The following PCDH11X variants were observed in gnomAD, a reference collection of about 807,000 sequenced individuals.
PCDH11X encodes protocadherin 11 X-linked, also known as protocadherin-11 X-linked.
PCDH11X carries 18 observed loss-of-function variants against 53.3 expected under a neutral mutation model. The ratio of observed to expected loss-of-function variants is 0.34; its 90% CI spans 0.23 to 0.50. PCDH11X has a LOEUF of 0.50. Among genes scored for constraint, PCDH11X ranks in the 20% least tolerant of loss-of-function variants. The pLI, the probability that PCDH11X is intolerant of heterozygous loss-of-function variation, is 0.98. For synonymous variants in PCDH11X, 279 were observed against 393.3 expected, an observed-to-expected ratio of 0.71 and a Z score of 3.44; for missense variants, 570 against 1,032.4, an observed-to-expected ratio of 0.55 and a Z score of 6.14.
intron 8 of PCDH11X, among the ~76,000 whole-genome samples, chrX:92,296,535 A>G (rs1358307754): frequency 9.0e-6 from 1 of 111,243 alleles, no homozygotes; most frequent in Non-Finnish European, 1.9e-5. Context: ...TGCTTAGGAC[A>G]ATGGCGTCCA....
intron 10 of PCDH11X, among the ~76,000 whole-genome samples, chrX:92,531,733 C>G (rs1415254335): frequency 1.8e-5 from 2 of 109,051 alleles, no homozygotes; most frequent in Non-Finnish European, 3.8e-5. Context: ...TTAGTGAGAG[C>G]CTTATATTGT....
At chrX:92,347,872 A>G (rs1203446653) in intron 8 of PCDH11X, among the ~76,000 whole-genome samples, 1 of 112,119 alleles carries the variant, frequency 8.9e-6, no homozygotes, top group Non-Finnish European at 1.9e-5. Context: ...TCCAAGTAGC[A>G]TAATTTTGCA....
chrX:92,061,617 C>T (rs1233857368), intron 6 of PCDH11X, among the ~76,000 whole-genome samples: 2 of 109,131 alleles, frequency 1.8e-5, no homozygotes, highest in African/African-American at 6.8e-5. Flanking sequence ...AGGTGTGTTG[C>T]GTTATTTGGG....
chrX:92,255,635 C>T (rs1226700292), intron 7 of PCDH11X, among the ~76,000 whole-genome samples: 1 of 109,773 alleles, frequency 9.1e-6, no homozygotes, highest in Non-Finnish European at 1.9e-5. Flanking sequence ...GATGTCCTTT[C>T]TGTTTGTTAG....
chrX:92,460,418 G>A (rs1237260448), intron 9 of PCDH11X: 7 of 848,778 alleles, frequency 8.2e-6, no homozygotes, highest in Middle Eastern at 3.8e-4. Flanking sequence ...GCAGACATCC[G>A]GGCCCAATAT....
At chrX:92,269,195 C>G (rs1355322941) in intron 8 of PCDH11X, among the ~76,000 whole-genome samples, 1 of 111,617 alleles carries the variant, frequency 9.0e-6, no homozygotes, top group African/African-American at 3.3e-5. Context: ...AAATTCCTTC[C>G]CGGTTATATT....
intron 6 of PCDH11X, among the ~76,000 whole-genome samples, chrX:92,186,496 C>T (rs2066097887): frequency 9.0e-6 from 1 of 110,547 alleles, no homozygotes; most frequent in African/African-American, 3.3e-5. Flanking sequence ...GGCGTGGTGG[C>T]ATGCACCTGT....
chrX:91,807,300 G>A (rs5984123), intron 1 of PCDH11X, among the ~76,000 whole-genome samples: 24,180 of 109,808 alleles, frequency 0.22, 2,075 homozygotes, highest in East Asian at 0.31. Flanking sequence ...AGCTATGATC[G>A]TGCCACTGCA....
At chrX:92,300,563 C>T (rs1394966783) in intron 8 of PCDH11X, among the ~76,000 whole-genome samples, 1 of 111,162 alleles carries the variant, frequency 9.0e-6, no homozygotes, top group African/African-American at 3.3e-5. Flanking sequence ...CTGCAACCTC[C>T]GCCTCCTGGA....
At chrX:92,478,471 T>C (rs35728113) in intron 10 of PCDH11X, among the ~76,000 whole-genome samples, 1 of 111,092 alleles carries the variant, frequency 9.0e-6, no homozygotes, top group African/African-American at 3.3e-5. Context: ...GGTGGTTCAA[T>C]TGAGATTTTT....
chrX:92,543,795 TATC>T (rs2074798610), intron 10 of PCDH11X, among the ~76,000 whole-genome samples: 1 of 110,246 alleles, frequency 9.1e-6, no homozygotes, highest in Non-Finnish European at 1.9e-5. Flanking sequence ...AAAAAAGTTT[TATC>T]ATAATATATA....
chrX:92,480,730 C>G (rs1275821536), intron 10 of PCDH11X, among the ~76,000 whole-genome samples: 2 of 111,208 alleles, frequency 1.8e-5, no homozygotes, highest in Admixed American at 9.5e-5. Flanking sequence ...GCTCGGAAGG[C>G]TGAAATGCTC....
chrX:91,876,703 AT>A, intron 5 of PCDH11X, 77 bp from the exon 6 acceptor site: 1 of 923,063 alleles, frequency 1.1e-6, no homozygotes, highest in Non-Finnish European at 1.4e-6. Flanking sequence ...GTTAAATTAT[AT>A]TTTATTATTC....
intron 9 of PCDH11X, among the ~76,000 whole-genome samples, chrX:92,412,203 T>C (rs2148603664): frequency 9.3e-6 from 1 of 107,015 alleles, no homozygotes; most frequent in African/African-American, 3.4e-5. Context: ...GTTGCCAAAA[T>C]AAGGATTTTG....
At chrX:92,366,653 C>T (rs1314273141) in intron 8 of PCDH11X, among the ~76,000 whole-genome samples, 2 of 75,162 alleles carry the variant, frequency 2.7e-5, no homozygotes, top group African/African-American at 1.1e-4. Context: ...TCCCTTTTAA[C>T]ACTGCTTTAG....
intron 8 of PCDH11X, among the ~76,000 whole-genome samples, chrX:92,289,921 C>T (rs1417591303): frequency 9.0e-6 from 1 of 111,325 alleles, no homozygotes; most frequent in African/African-American, 3.3e-5. Flanking sequence ...TTTCCTAAAT[C>T]ATATATACTA....
chrX:92,316,319 G>A (rs1032343511), intron 8 of PCDH11X, among the ~76,000 whole-genome samples: 6 of 110,967 alleles, frequency 5.4e-5, no homozygotes, highest in African/African-American at 2.0e-4. Context: ...GCATAAAATC[G>A]CATAAGATGC....
At chrX:92,310,344 C>T (rs923795151) in intron 8 of PCDH11X, among the ~76,000 whole-genome samples, 1 of 112,052 alleles carries the variant, frequency 8.9e-6, no homozygotes, top group African/African-American at 3.2e-5. Context: ...ACATGTGCCC[C>T]TACTTAGTCT....
chrX:92,050,051 A>C (rs1371614219), intron 6 of PCDH11X, among the ~76,000 whole-genome samples: 11 of 112,117 alleles, frequency 9.8e-5, no homozygotes, highest in Admixed American at 2.8e-4. Context: ...CTGGGATTAC[A>C]GGCATGAGCC....
Sources: gnomAD v4.1 joint callset for allele counts (sites outside exome capture counted in the v4.1 genomes callset) on GRCh38, gnomAD v4.1.1 for gene constraint, MANE v1.5 for transcripts, NCBI Gene and HGNC (gene_info 2026-07-23, HGNC 2026-07-21) for gene names.